Variants in AGBL4 observed in about 807,000 individuals in gnomAD.
The protein encoded by AGBL4 is AGBL carboxypeptidase 4, also known as cytosolic carboxypeptidase 6.
Under a neutral mutation model 66.4 loss-of-function variants are expected in AGBL4, and 58 were observed. That is an observed-to-expected ratio of 0.87 (90% CI 0.71 to 1.09). The LOEUF (loss-of-function observed/expected upper bound fraction) is 1.09. Among genes scored for constraint, AGBL4 ranks in the 50% least tolerant of loss-of-function variants. The pLI is 0.00. For synonymous variants in AGBL4, 234 were observed against 222.9 expected (o/e 1.05, Z -0.44); for missense variants, 579 against 631.0 (o/e 0.92, Z 0.88).
At chr1:48,804,381 TGA>T (rs934462835) in intron 6 of AGBL4, among the ~76,000 whole-genome samples, 2 of 152,234 alleles carry the variant, frequency 1.3e-5, no homozygotes, top group African/African-American at 2.4e-5. Flanking sequence ...CCAACAATTC[TGA>T]GAGTGAAGTT....
intron 5 of AGBL4, among the ~76,000 whole-genome samples, chr1:48,963,925 A>G (rs1193022565): frequency 2.0e-5 from 3 of 152,212 alleles, no homozygotes; most frequent in African/African-American, 7.2e-5. Context: ...CTGGGTATTT[A>G]CTATGTGCAA....
intron 3 of AGBL4, among the ~76,000 whole-genome samples, chr1:49,321,333 G>C (rs1205731895): frequency 1.3e-5 from 2 of 152,150 alleles, no homozygotes; most frequent in African/African-American, 4.8e-5. Context: ...TATAAATCAA[G>C]ATGTCAAACC....
chr1:49,722,375 T>C (rs771871654), intron 2 of AGBL4, among the ~76,000 whole-genome samples: 34 of 152,188 alleles, frequency 2.2e-4, no homozygotes, highest in Non-Finnish European at 4.4e-4. Context: ...TCTTTAGCAT[T>C]AACAAATGGA....
chr1:48,931,779 G>T (rs1159586169), intron 5 of AGBL4, among the ~76,000 whole-genome samples: 1 of 152,146 alleles, frequency 6.6e-6, no homozygotes, highest in Non-Finnish European at 1.5e-5. Context: ...GAAGTGCTGG[G>T]ATTACAGGCA....
intron 6 of AGBL4, among the ~76,000 whole-genome samples, chr1:48,818,519 C>T (rs575406304): frequency 6.6e-6 from 1 of 152,228 alleles, no homozygotes; most frequent in South Asian, 2.1e-4. Context: ...ATCCTAAACA[C>T]AGAGAAATGC....
At chr1:48,791,499 A>G (rs1259951565) in intron 6 of AGBL4, among the ~76,000 whole-genome samples, 1 of 152,142 alleles carries the variant, frequency 6.6e-6, no homozygotes, top group Non-Finnish European at 1.5e-5. Context: ...AATGAGCCCA[A>G]CCCATTTTGG....
chr1:49,355,765 C>T (rs1189881192), intron 3 of AGBL4, among the ~76,000 whole-genome samples: 1 of 152,172 alleles, frequency 6.6e-6, no homozygotes, highest in Non-Finnish European at 1.5e-5. Flanking sequence ...AGTTGCTATT[C>T]CCTTCACTTA....
chr1:49,496,366 T>C (rs1051093724), intron 3 of AGBL4, among the ~76,000 whole-genome samples: 1 of 152,004 alleles, frequency 6.6e-6, no homozygotes, highest in African/African-American at 2.4e-5. Flanking sequence ...AAGCCTCACG[T>C]ACTTATTTTT....
intron 3 of AGBL4, among the ~76,000 whole-genome samples, chr1:49,283,235 T>A (rs1644320115): frequency 6.6e-6 from 1 of 152,134 alleles, no homozygotes; most frequent in Non-Finnish European, 1.5e-5. Context: ...GCAGCCTAAC[T>A]GGGAGGCACC....
chr1:48,546,303 C>A (rs1644158342), intron 11 of AGBL4, among the ~76,000 whole-genome samples: 1 of 152,154 alleles, frequency 6.6e-6, no homozygotes, highest in African/African-American at 2.4e-5. Context: ...TAACAGCGTG[C>A]GTATGTTGTT....
intron 6 of AGBL4, among the ~76,000 whole-genome samples, chr1:48,753,487 C>T (rs1213164626): frequency 6.6e-6 from 1 of 152,188 alleles, no homozygotes; most frequent in South Asian, 2.1e-4. Context: ...GAAACCAGTT[C>T]AGACTGCAAA....
chr1:48,973,828 A>G (rs908051186), intron 5 of AGBL4, among the ~76,000 whole-genome samples: 5 of 152,168 alleles, frequency 3.3e-5, no homozygotes, highest in African/African-American at 1.2e-4. Flanking sequence ...CACTTATAAA[A>G]CAATGTAGTC....
chr1:49,251,880 C>A (rs974135995), intron 3 of AGBL4, among the ~76,000 whole-genome samples: 30 of 152,132 alleles, frequency 2.0e-4, no homozygotes, highest in Non-Finnish European at 3.8e-4. Context: ...ATACCACAAA[C>A]CCTCAAGGTC....
At chr1:48,911,273 A>T (rs1323215365) in intron 5 of AGBL4, among the ~76,000 whole-genome samples, 1 of 152,160 alleles carries the variant, frequency 6.6e-6, no homozygotes, top group Non-Finnish European at 1.5e-5. Context: ...CTAGCAGGTG[A>T]TCTTGTTTAA....
chr1:49,349,226 C>G (rs995152212), intron 3 of AGBL4, among the ~76,000 whole-genome samples: 2 of 152,166 alleles, frequency 1.3e-5, no homozygotes, highest in African/African-American at 4.8e-5. Flanking sequence ...ATATTTAGAA[C>G]TATGGGGCAT....
At chr1:48,525,724 C>A in the AGBL4 span, among the ~76,000 whole-genome samples, 1 of 152,304 alleles carries the variant, frequency 6.6e-6, no homozygotes, top group East Asian at 1.9e-4. Flanking sequence ...AGTATCAGAG[C>A]TGGGAGCAGA....
At chr1:48,938,637 T>G (rs1402523591) in intron 5 of AGBL4, among the ~76,000 whole-genome samples, 1 of 152,152 alleles carries the variant, frequency 6.6e-6, no homozygotes, top group Non-Finnish European at 1.5e-5. Context: ...CCTCTGTCTA[T>G]CCCCACAGAC....
intron 4 of AGBL4, among the ~76,000 whole-genome samples, chr1:49,135,039 C>A (rs994097402): frequency 1.3e-5 from 2 of 151,534 alleles, no homozygotes; most frequent in Non-Finnish European, 2.9e-5. Flanking sequence ...TTTCCCAGGG[C>A]TGTTCATTAT....
At chr1:49,334,903 T>G (rs1645403278) in intron 3 of AGBL4, among the ~76,000 whole-genome samples, 1 of 152,224 alleles carries the variant, frequency 6.6e-6, no homozygotes, top group Non-Finnish European at 1.5e-5. Flanking sequence ...TATGTCCAAC[T>G]GATAGTCAAT....
Sources: gnomAD v4.1 joint callset for allele counts (sites outside exome capture counted in the v4.1 genomes callset) on GRCh38, gnomAD v4.1.1 for gene constraint, MANE v1.5 for transcripts, NCBI Gene and HGNC (gene_info 2026-07-23, HGNC 2026-07-21) for gene names.